The following TBC1D8 variants were observed in gnomAD, a reference collection of about 807,000 sequenced individuals.
TBC1D8 encodes the protein TBC1 domain family member 8.
TBC1D8 carries 65 observed loss-of-function variants against 118.8 expected under a neutral mutation model. That is an observed-to-expected ratio of 0.55 (90% CI 0.45 to 0.67). The LOEUF (loss-of-function observed/expected upper bound fraction) is 0.67. Ranked by LOEUF, TBC1D8 falls within the 30% of genes least tolerant of loss-of-function variation. The pLI is 0.00. For synonymous variants in TBC1D8, 566 were observed against 595.8 expected (o/e 0.95, Z 0.73); for missense variants, 1,376 against 1,471.2 (o/e 0.94, Z 1.06).
At position 101,050,469 on chromosome 2, in the gene TBC1D8, T is replaced by G. The variant is rs1350367718; in HGVS notation, c.804A>C (p.Arg268=). The part of the protein sequence containing the change: ...VMEQLADVTL[R]RLLDNEVFDL... ...CAAAGACCTCATTATCCAGCAGCCT[T>G]CGCAGCGTCACGTCGGCCAGCTGCT... The change falls in exon 5 of 20, where the codon CGA becomes CGC. Residue 268 remains arginine, a synonymous_variant. Coordinates refer to ENST00000409318, the MANE Select transcript of TBC1D8 (RefSeq NM_001330348.2). 8.1e-6 allele frequency: 13 copies of G among 1,613,820 alleles called. No homozygotes were observed. The highest frequency in any genetic ancestry group is 1.1e-5 in the Non-Finnish European group (13 of 1,179,872).
chr2:101,071,270 G>A lies in TBC1D8; in HGVS notation c.284-11731C>T, dbSNP rs367781284. On this transcript the variant is annotated intron_variant, in intron 2 of 19. Transcript: ENST00000409318. ...TGAGGCAGGAGAATGGTGTGAACCCGGGAGGCGGAGCTTGCAGTGAGCCGA... is the reference window on the plus strand; with the variant it reads ...TGAGGCAGGAGAATGGTGTGAACCCAGGAGGCGGAGCTTGCAGTGAGCCGA... Among the ~76,000 whole-genome samples, 646 of 152,204 alleles carry A rather than the reference G, an allele frequency of 4.2e-3. 7 individuals carry two copies. Among genetic ancestry groups the A allele is most frequent in the African/African-American group, 0.015 (613 of 41,534 alleles).
intron 15 of TBC1D8, among the ~76,000 whole-genome samples, chr2:101,026,848 T>C (rs1051054960): frequency 6.6e-6 from 1 of 152,214 alleles, no homozygotes; most frequent in Non-Finnish European, 1.5e-5. Context: ...GTTTTAGCTA[T>C]ATGACAGATC....
intron 1 of TBC1D8, among the ~76,000 whole-genome samples, chr2:101,131,545 T>C (rs1267363143): frequency 1.3e-5 from 2 of 151,980 alleles, no homozygotes; most frequent in African/African-American, 2.4e-5. Context: ...CCGGGTACAG[T>C]GGCTCACACC....
At chr2:101,136,685 G>C (rs924043206) in intron 1 of TBC1D8, among the ~76,000 whole-genome samples, 1 of 152,140 alleles carries the variant, frequency 6.6e-6, no homozygotes, top group African/African-American at 2.4e-5. Flanking sequence ...ACAATTTTGG[G>C]ACACTGGATT....
intron 2 of TBC1D8, among the ~76,000 whole-genome samples, chr2:101,076,819 T>G (rs1674857292): frequency 6.6e-6 from 1 of 152,150 alleles, no homozygotes; most frequent in Non-Finnish European, 1.5e-5. Context: ...TTGGAAGACA[T>G]TTAGGTGATA....
chr2:101,057,300 G>T (rs1281916481), intron 3 of TBC1D8, among the ~76,000 whole-genome samples: 1 of 152,154 alleles, frequency 6.6e-6, no homozygotes, highest in Admixed American at 6.5e-5. Flanking sequence ...TCCAGAAACA[G>T]CCCTGAGAGG....
At chr2:101,076,366 A>C (rs1674820475) in intron 2 of TBC1D8, among the ~76,000 whole-genome samples, 1 of 152,248 alleles carries the variant, frequency 6.6e-6, no homozygotes. Context: ...CTGTCACCTG[A>C]ACTCATGAAC....
intron 1 of TBC1D8, among the ~76,000 whole-genome samples, chr2:101,136,942 G>A (rs891352423): frequency 3.3e-5 from 5 of 151,798 alleles, no homozygotes; most frequent in African/African-American, 4.8e-5. Flanking sequence ...TGCTCTTTAC[G>A]CCTTTTTAAA....
At chr2:101,032,510 C>G in intron 10 of TBC1D8, 125 bp from the exon 11 acceptor site, 1 of 717,520 alleles carries the variant, frequency 1.4e-6, no homozygotes, top group Non-Finnish European at 2.4e-6. Context: ...CCAGCATACA[C>G]CAACCACACT....
At chr2:101,034,840 AAGG>A (rs1680902345) in intron 9 of TBC1D8, among the ~76,000 whole-genome samples, 1 of 152,116 alleles carries the variant, frequency 6.6e-6, no homozygotes, top group Non-Finnish European at 1.5e-5. Flanking sequence ...TCACTTTTAA[AAGG>A]AGGTGTTTCA....
At chr2:101,107,866 G>C (rs1022050878) in intron 1 of TBC1D8, among the ~76,000 whole-genome samples, 1 of 152,088 alleles carries the variant, frequency 6.6e-6, no homozygotes, top group African/African-American at 2.4e-5. Flanking sequence ...AGGTGATTGA[G>C]GACAGCATCA....
At chr2:101,105,065 A>G (rs1365512269) in intron 1 of TBC1D8, among the ~76,000 whole-genome samples, 2 of 151,334 alleles carry the variant, frequency 1.3e-5, no homozygotes, top group African/African-American at 4.8e-5. Context: ...ATAACACAGG[A>G]GAAGGCCTAG....
chr2:101,138,854 T>C (rs1001298604), intron 1 of TBC1D8, among the ~76,000 whole-genome samples: 8 of 152,078 alleles, frequency 5.3e-5, no homozygotes, highest in African/African-American at 1.7e-4. Context: ...CCCCTGCTCC[T>C]TCCCAGAGAA....
intron 5 of TBC1D8, among the ~76,000 whole-genome samples, chr2:101,047,712 T>C (rs73943424): frequency 0.015 from 2,286 of 152,328 alleles, 66 homozygotes; most frequent in African/African-American, 0.051. Context: ...GCAGGCACCC[T>C]GGCAGCTCAG....
At chr2:101,052,023 G>A (rs1478031477) in intron 4 of TBC1D8, among the ~76,000 whole-genome samples, 3 of 152,176 alleles carry the variant, frequency 2.0e-5, no homozygotes, top group Non-Finnish European at 4.4e-5. Flanking sequence ...GAAATACCAA[G>A]TTAACAACAT....
chr2:101,015,230 A>G (rs72976857), intron 17 of TBC1D8, among the ~76,000 whole-genome samples: 2 of 152,158 alleles, frequency 1.3e-5, no homozygotes, highest in Non-Finnish European at 2.9e-5. Context: ...TGCTATAAAA[A>G]TATGGTATAA....
intron 5 of TBC1D8, among the ~76,000 whole-genome samples, chr2:101,041,279 C>A (rs960725357): frequency 1.3e-5 from 2 of 152,192 alleles, no homozygotes; most frequent in Non-Finnish European, 2.9e-5. Context: ...GCAGAAATAA[C>A]CCAAGTGTCC....
intron 1 of TBC1D8, among the ~76,000 whole-genome samples, chr2:101,090,817 G>T (rs1313162037): frequency 6.6e-6 from 1 of 152,214 alleles, no homozygotes; most frequent in Non-Finnish European, 1.5e-5. Flanking sequence ...CTACTTCATA[G>T]GGTAATTGGG....
intron 1 of TBC1D8, among the ~76,000 whole-genome samples, chr2:101,096,242 C>G (rs1676410929): frequency 6.6e-6 from 1 of 151,732 alleles, no homozygotes; most frequent in African/African-American, 2.4e-5. Flanking sequence ...CTTAAAGAAG[C>G]CCAAAGACAA....
Sources: allele counts gnomAD v4.1 joint callset (sites outside exome capture counted in the v4.1 genomes callset), GRCh38; gene constraint gnomAD v4.1.1; transcripts MANE v1.5; gene names NCBI Gene and HGNC (gene_info 2026-07-23, HGNC 2026-07-21).